Variants in EPS15L1 observed in about 807,000 individuals in gnomAD.
The protein encoded by EPS15L1 is epidermal growth factor receptor pathway substrate 15 like 1.
In EPS15L1, 43 loss-of-function variants were observed where a neutral mutation model predicts 117.1. That is an observed-to-expected ratio of 0.37 (90% confidence interval 0.29 to 0.47). The LOEUF (loss-of-function observed/expected upper bound fraction) is 0.47, where lower values mean the gene tolerates loss of function less well. EPS15L1 is among the 20% of genes least tolerant of loss of function. The pLI is 0.99. For synonymous variants in EPS15L1, 459 were observed against 470.5 expected, an observed-to-expected ratio of 0.98 and a Z score of 0.32; for missense variants, 981 against 1,164.0, an observed-to-expected ratio of 0.84 and a Z score of 2.29.
intron 7 of EPS15L1, among the ~76,000 whole-genome samples, chr19:16,432,321 CA>C (rs2092936277): frequency 6.6e-6 from 1 of 152,140 alleles, no homozygotes; most frequent in Admixed American, 6.5e-5. Context: ...GCAATCCCAG[CA>C]CTTTGGGAGG....
At position 16,371,975 on chromosome 19, in the gene EPS15L1, A is replaced by G. The variant is rs1599535636; in HGVS notation, c.2380+5147T>C. On this transcript the variant is annotated intron_variant, in intron 22 of 23. Transcript: ENST00000455140. The surrounding 1 kb of genome is among the most constrained non-coding windows in gnomAD (Gnocchi z 4.7). ...TCTGTGCTGCATCTGCCTGAAAGAA[A>G]CCAGTTTCTTCTGCCCAAAACAGAC... 6.6e-6 allele frequency among the ~76,000 whole-genome samples: 1 copy of G among 152,206 alleles called. No homozygotes were observed. The highest frequency in any genetic ancestry group is 6.5e-5 in the Admixed American group (1 of 15,280).
At chr19:16,392,110 C>G (rs2092482304) in intron 19 of EPS15L1, among the ~76,000 whole-genome samples, 194 bp downstream of exon 19, 3 of 152,170 alleles carry the variant, frequency 2.0e-5, no homozygotes, top group African/African-American at 7.2e-5. Flanking sequence ...ACTGCAGTGA[C>G]TAGGCCAGTG....
intron 1 of EPS15L1, among the ~76,000 whole-genome samples, chr19:16,447,134 G>C (rs943125162): frequency 6.6e-6 from 1 of 152,106 alleles, no homozygotes; most frequent in Non-Finnish European, 1.5e-5. Context: ...CACATTCTGC[G>C]GGTGAGATAA....
intron 13 of EPS15L1, among the ~76,000 whole-genome samples, chr19:16,410,816 G>A (rs1217998901): frequency 1.3e-5 from 2 of 152,138 alleles, no homozygotes; most frequent in South Asian, 2.1e-4. Flanking sequence ...GAGAAGCTGA[G>A]GTGGGAGGAT....
At chr19:16,398,882 G>C (rs987626625) in intron 16 of EPS15L1, among the ~76,000 whole-genome samples, 2 of 152,140 alleles carry the variant, frequency 1.3e-5, no homozygotes, top group Non-Finnish European at 2.9e-5. Context: ...CTACAGCCCA[G>C]AACTCCCGGG....
chr19:16,369,657 C>T (rs2092191547), intron 22 of EPS15L1, among the ~76,000 whole-genome samples: 1 of 134,958 alleles, frequency 7.4e-6, no homozygotes, highest in South Asian at 2.3e-4. Flanking sequence ...AGGGCTGCAC[C>T]AGCCCTGGAA....
At chr19:16,461,305 T>TAA (rs749124401) in intron 1 of EPS15L1, among the ~76,000 whole-genome samples, 64 of 99,988 alleles carry the variant, frequency 6.4e-4, no homozygotes, top group South Asian at 6.2e-4. Flanking sequence ...CTCCGTCTCT[T>TAA]AAAAAAAAAA....
In EPS15L1 at chr19:16,396,673, C is replaced by CAAAAT. The variant is rs549192918; in HGVS notation, c.1792-1207_1792-1206insATTTT. Among the ~76,000 whole-genome samples, 55 of 152,062 alleles carry CAAAAT rather than the reference C, an allele frequency of 3.6e-4. No individual in the cohort carries two copies. In the South Asian group the frequency reaches 3.9e-3, roughly 11 times the overall value. On this transcript the variant is annotated intron_variant, in intron 16 of 23. Coordinates refer to ENST00000455140, the MANE Select transcript of EPS15L1 (RefSeq NM_001258374.3). ...GTCCATCGATGAATGAATGGATAAA[C>CAAAAT]GGAAAAACAAAATTTTTTTCTAAGT... is the stretch of plus-strand genomic sequence containing the variant.
Position 16,441,973 on chromosome 19 carries a change from C to G in EPS15L1, c.84G>C (p.Pro28=). 1 of 1,612,656 alleles carries G rather than the reference C, an allele frequency of 6.2e-7. No individual in the cohort carries two copies. ...TCGCCCCCACCCTCCCTGTGTATGC[C>G]GGATCGACCTGAAATGGGAGACCAA... The part of the protein sequence containing the change: ...LYESYYKQVD[P]AYTGRVGASE... Residue 28 remains proline (P), a synonymous_variant, in exon 3 of 24, where the codon CCG becomes CCC. Transcript: ENST00000455140.
intron 19 of EPS15L1, among the ~76,000 whole-genome samples, chr19:16,390,934 T>C (rs1049114065): frequency 5.9e-5 from 9 of 152,186 alleles, no homozygotes; most frequent in Admixed American, 5.2e-4. Flanking sequence ...CCATTGTAAG[T>C]TGAAAATATT....
At position 16,448,552 on chromosome 19, in the gene EPS15L1, G is replaced by A. The variant is rs1005217568; in HGVS notation, c.34-6333C>T. Among the ~76,000 whole-genome samples, 3 of 143,606 alleles carry A rather than the reference G, an allele frequency of 2.1e-5. No individual in the cohort carries two copies. The South Asian group carries it at 6.7e-4, about 32-fold the overall frequency. 94.2% of individuals were successfully genotyped at this position (143,606 alleles called of 152,430 possible). A position where few individuals can be genotyped will look rare whatever the true frequency, so the allele number is the denominator to read the frequency against. On this transcript the variant is annotated intron_variant, in intron 1 of 23. Transcript: ENST00000455140. ...AAATTCCGTATTAAAAAAAAAGGGG[G>A]GGGGAGAAAGGCCGGGCGCGGTGGC...
chr19:16,418,147 G>A lies in EPS15L1; in HGVS notation c.951-43C>T, dbSNP rs200306799. On this transcript the variant is annotated intron_variant, in intron 10 of 23. Coordinates refer to ENST00000455140, the MANE Select transcript of EPS15L1 (RefSeq NM_001258374.3). ...ATGCTAATTACACATCACAGGCGCCGACTCAGCCTGAACCCAAGTCACCGA... is the reference window on the plus strand; with the variant it reads ...ATGCTAATTACACATCACAGGCGCCAACTCAGCCTGAACCCAAGTCACCGA... 1.3e-3 allele frequency: 2,015 copies of A among 1,573,244 alleles called. 4 individuals are homozygous for A. The highest frequency in any genetic ancestry group is 1.6e-3 in the Non-Finnish European group (1,834 of 1,158,986).
At position 16,441,948 on chromosome 19, in the gene EPS15L1, T is replaced by A. The variant is rs575594049; in HGVS notation, c.109A>T (p.Ser37Cys). Residue 37 changes from serine (S) to cysteine (C), a missense_variant, in exon 3 of 24, where the codon AGT becomes TGT. By Grantham distance (112) the Ser-to-Cys change is moderately radical. Transcript: ENST00000455140. Reference sequence around the variant, plus strand: ...TTCTTTAGAAAAAGCGCAGCTTCACTCGCCCCCACCCTCCCTGTGTATGCC... The same window carrying A: ...TTCTTTAGAAAAAGCGCAGCTTCACACGCCCCCACCCTCCCTGTGTATGCC... The part of the protein sequence containing the change: ...DPAYTGRVGA[S>C]EAALFLKKSG... 2 of 1,614,120 alleles carry A rather than the reference T, an allele frequency of 1.2e-6. No individual in the cohort carries two copies. The highest frequency in any genetic ancestry group is 2.7e-5 in the African/African-American group (2 of 75,058).
At chr19:16,433,588 C>T (rs2092950241) in intron 7 of EPS15L1, among the ~76,000 whole-genome samples, 1 of 152,076 alleles carries the variant, frequency 6.6e-6, no homozygotes, top group African/African-American at 2.4e-5. Context: ...ACTCCAGAGG[C>T]TGAGGTGGGA....
chr19:16,432,245 C>A (rs2092935262), intron 7 of EPS15L1, among the ~76,000 whole-genome samples: 1 of 151,906 alleles, frequency 6.6e-6, no homozygotes, highest in African/African-American at 2.4e-5. Flanking sequence ...ACTAGCCTGA[C>A]CAACATGGTG....
chr19:16,465,984 C>CTT (rs1476399795), intron 1 of EPS15L1, among the ~76,000 whole-genome samples: 3 of 145,130 alleles, frequency 2.1e-5, no homozygotes, highest in Non-Finnish European at 3.0e-5. Context: ...CTCACTTTAT[C>CTT]TATTTTTTTT....
Position 16,403,821 on chromosome 19 carries a change from G to T in EPS15L1, c.1538C>A (p.Thr513Asn), listed in dbSNP as rs77930327. ...AGCCTGAATGCTCTGCTCCAGCTGG[G>T]TTTCCTCCTGCTGCAATCGGTTCAG... ...SELNRLQQEE[T>N]QLEQSIQAGR... The change falls in exon 15 of 24, where the codon ACC becomes AAC. Residue 513 changes from threonine (T) to asparagine (N), a missense_variant. This residue lies in a region of EPS15L1 where 819 missense variants were observed against 949.0 expected (regional missense o/e 0.86). Coordinates refer to ENST00000455140, the MANE Select transcript of EPS15L1 (RefSeq NM_001258374.3). The T allele has an allele frequency of 3.7e-6, 6 of 1,614,102 alleles. No homozygotes were observed. The East Asian group carries it at 1.3e-4, about 36-fold the overall frequency.
At chr19:16,393,758 C>A (rs2144782760) in intron 18 of EPS15L1, among the ~76,000 whole-genome samples, 193 bp downstream of exon 18, 1 of 152,194 alleles carries the variant, frequency 6.6e-6, no homozygotes, top group East Asian at 1.9e-4. Context: ...CGGGCAGTGA[C>A]TGGACCTGGG....
At chr19:16,455,791 A>T (rs899866033) in intron 1 of EPS15L1, among the ~76,000 whole-genome samples, 2 of 152,118 alleles carry the variant, frequency 1.3e-5, no homozygotes, top group Admixed American at 1.3e-4. Flanking sequence ...GATTCCTGGT[A>T]TCCTCCTCAT....
Sources: allele counts gnomAD v4.1 joint callset (sites outside exome capture counted in the v4.1 genomes callset), GRCh38; gene constraint gnomAD v4.1.1; regional missense constraint gnomAD v4.1.1; non-coding constraint Gnocchi (gnomAD v3.1); transcripts MANE v1.5; gene names NCBI Gene and HGNC (gene_info 2026-07-23, HGNC 2026-07-21).